The following ST8SIA6 variants were observed in gnomAD, a reference collection of about 807,000 sequenced individuals.
ST8SIA6 encodes the protein ST8 alpha-N-acetyl-neuraminide alpha-2,8-sialyltransferase 6, also known as alpha-2,8-sialyltransferase 8F.
ST8SIA6 carries 39 observed loss-of-function variants against 33.6 expected under a neutral mutation model. The ratio of observed to expected loss-of-function variants is 1.16; its 90% CI spans 0.90 to 1.52. ST8SIA6 has a LOEUF of 1.52. Among genes scored for constraint, ST8SIA6 ranks in the 40% most tolerant of loss-of-function variants. ST8SIA6 has a pLI of 0.00. For missense variants in ST8SIA6, 441 were observed against 443.8 expected, an observed-to-expected ratio of 0.99 and a Z score of 0.06; for synonymous variants, 172 against 167.2, an observed-to-expected ratio of 1.03 and a Z score of -0.22.
At chr10:17,334,650 C>T (rs919898468) in intron 4 of ST8SIA6, among the ~76,000 whole-genome samples, 5 of 151,194 alleles carry the variant, frequency 3.3e-5, no homozygotes, top group African/African-American at 9.7e-5. Context: ...CAGACAAGTC[C>T]AATGAAAAAA....
intron 4 of ST8SIA6, among the ~76,000 whole-genome samples, chr10:17,346,207 G>C (rs1254186592): frequency 6.6e-6 from 1 of 152,200 alleles, no homozygotes; most frequent in Non-Finnish European, 1.5e-5. Flanking sequence ...CTAGTAAGCA[G>C]TCAATGGTAA....
At chr10:17,343,930 A>C (rs528112170) in intron 4 of ST8SIA6, among the ~76,000 whole-genome samples, 1 of 152,192 alleles carries the variant, frequency 6.6e-6, no homozygotes, top group African/African-American at 2.4e-5. Flanking sequence ...CAAGCACTTT[A>C]TATATTATTT....
intron 2 of ST8SIA6, among the ~76,000 whole-genome samples, chr10:17,444,267 G>A (rs747218083): frequency 6.6e-6 from 1 of 152,160 alleles, no homozygotes; most frequent in Non-Finnish European, 1.5e-5. Context: ...TTTGTTGCAG[G>A]GAAACCACCT....
At chr10:17,354,332 T>C (rs1414211755) in intron 4 of ST8SIA6, among the ~76,000 whole-genome samples, 2 of 152,162 alleles carry the variant, frequency 1.3e-5, no homozygotes, top group African/African-American at 2.4e-5. Flanking sequence ...GGAGAGACTG[T>C]GAAGAGCAAT....
chr10:17,419,483 T>C (rs1851711425), intron 2 of ST8SIA6, among the ~76,000 whole-genome samples: 1 of 152,036 alleles, frequency 6.6e-6, no homozygotes, highest in African/African-American at 2.4e-5. Context: ...TGAATCATGT[T>C]TGTGCCACTG....
At chr10:17,321,719 A>G (rs1240085932) in intron 7 of ST8SIA6, among the ~76,000 whole-genome samples, 3 of 152,224 alleles carry the variant, frequency 2.0e-5, no homozygotes, top group East Asian at 3.8e-4. Flanking sequence ...CATAGTATGC[A>G]TATCAATACA....
chr10:17,336,101 G>A (rs903163336), intron 4 of ST8SIA6, among the ~76,000 whole-genome samples: 2 of 151,770 alleles, frequency 1.3e-5, no homozygotes, highest in Non-Finnish European at 2.9e-5. Flanking sequence ...GACTACAGTC[G>A]TGCACCGACA....
intron 3 of ST8SIA6, among the ~76,000 whole-genome samples, chr10:17,379,839 A>C (rs1321288725): frequency 6.6e-6 from 1 of 152,156 alleles, no homozygotes; most frequent in Non-Finnish European, 1.5e-5. Context: ...CAAAATAAAA[A>C]CTTTCTAAAT....
In ST8SIA6 at chr10:17,421,557, A is replaced by G. The variant is rs187429427; in HGVS notation, c.201-30937T>C. On this transcript the variant is annotated intron_variant, in intron 2 of 7. Transcript: ENST00000377602. ...TAAAAGGATTCATACAAATTAGAAC[A>G]AGTCTTAAACTTAATTTTTTTTTAA... Among the ~76,000 whole-genome samples, 270 of 152,232 alleles carry G rather than the reference A, an allele frequency of 1.8e-3. 2 individuals are homozygous for G. Among genetic ancestry groups the G allele is most frequent in the African/African-American group, 6.2e-3 (258 of 41,536 alleles).
At chr10:17,353,328 T>C (rs545123613) in intron 4 of ST8SIA6, among the ~76,000 whole-genome samples, 2 of 152,332 alleles carry the variant, frequency 1.3e-5, no homozygotes, top group African/African-American at 4.8e-5. Flanking sequence ...TTGATTAACT[T>C]ATCCCATCTC....
intron 4 of ST8SIA6, among the ~76,000 whole-genome samples, chr10:17,350,868 G>A (rs79901413): frequency 6.6e-6 from 1 of 152,086 alleles, no homozygotes; most frequent in Non-Finnish European, 1.5e-5. Context: ...AGTAGAGTTT[G>A]ATCTTCAAAC....
chr10:17,429,472 G>A (rs374950541), intron 2 of ST8SIA6, among the ~76,000 whole-genome samples: 2 of 151,690 alleles, frequency 1.3e-5, no homozygotes, highest in South Asian at 4.2e-4. Context: ...ACAGCTCAGC[G>A]GCTGCTTTTC....
chr10:17,326,976 A>C (rs1848150805), intron 6 of ST8SIA6, 38 bp downstream of exon 6: 2 of 1,426,458 alleles, frequency 1.4e-6, no homozygotes, highest in East Asian at 4.7e-5. Context: ...TACCCAACTG[A>C]TCTATTGTTT....
At chr10:17,414,029 C>T (rs116017722) in intron 2 of ST8SIA6, among the ~76,000 whole-genome samples, 115 of 152,216 alleles carry the variant, frequency 7.6e-4, no homozygotes, top group African/African-American at 2.3e-3. Flanking sequence ...GCCCAATACA[C>T]GCCTCCTATC....
intron 2 of ST8SIA6, among the ~76,000 whole-genome samples, chr10:17,425,323 C>T (rs1024412632): frequency 2.0e-5 from 3 of 152,118 alleles, no homozygotes; most frequent in African/African-American, 4.8e-5. Flanking sequence ...AATTCCAGCG[C>T]TCTGGGAGGC....
At chr10:17,408,481 A>G (rs1046386518) in intron 2 of ST8SIA6, among the ~76,000 whole-genome samples, 1 of 151,934 alleles carries the variant, frequency 6.6e-6, no homozygotes, top group African/African-American at 2.4e-5. Flanking sequence ...CCTGGCCAAC[A>G]TGTGAAACCC....
In ST8SIA6 at chr10:17,384,864, C is replaced by G. The variant is rs192962016; in HGVS notation, c.290+5667G>C. Reference sequence around the variant, plus strand: ...GTTCTTTTGTTTGTAGCTTTTTCCCCCTTCCTCCCCCTAATTTTCTTTTCA... The same window carrying G: ...GTTCTTTTGTTTGTAGCTTTTTCCCGCTTCCTCCCCCTAATTTTCTTTTCA... On this transcript the variant is annotated intron_variant, in intron 3 of 7. Transcript: ENST00000377602. Among the ~76,000 whole-genome samples, 489 of 152,138 alleles carry G rather than the reference C, an allele frequency of 3.2e-3. 6 individuals carry two copies. The highest frequency in any genetic ancestry group is 6.6e-3 in the East Asian group (34 of 5,172).
rs1344895365 is a variant in ST8SIA6 at position 17,374,748 on chromosome 10, A to AAAATATATATATATATATAT, written c.291-15149_291-15148insATATATATATATATATATTT. Among the ~76,000 whole-genome samples, 69 of 67,588 alleles carry AAAATATATATATATATATAT rather than the reference A, an allele frequency of 1.0e-3. 3 individuals carry two copies. Among genetic ancestry groups the AAAATATATATATATATATAT allele is most frequent in the Middle Eastern group, 7.0e-3 (1 of 142 alleles). The allele number at this position is 67,588 out of a possible 152,430, so 44.3% of individuals were successfully genotyped here. ...TAAATAAATAAATAAATAAATAAATAATAAATATATATATATATATTTAGC... is the reference window on the plus strand; with the variant it reads ...TAAATAAATAAATAAATAAATAAATAAAATATATATATATATATATATAAATATATATATATATATTTAGC... On this transcript the variant is annotated intron_variant, in intron 3 of 7. Coordinates refer to ENST00000377602, the MANE Select transcript of ST8SIA6 (RefSeq NM_001004470.3).
Position 17,454,076 on chromosome 10 carries a change from A to C in ST8SIA6, c.101+79T>G. 8.3e-6 allele frequency: 2 copies of C among 241,368 alleles called. No homozygotes were observed. Among genetic ancestry groups the C allele is most frequent in the East Asian group, 8.9e-5 (1 of 11,250 alleles). 15.0% of individuals were successfully genotyped at this position (241,368 alleles called of 1,614,324 possible). A position where few individuals can be genotyped will look rare whatever the true frequency, so the allele number is the denominator to read the frequency against. On this transcript the variant is annotated intron_variant, in intron 1 of 7. Coordinates refer to ENST00000377602, the MANE Select transcript of ST8SIA6 (RefSeq NM_001004470.3). This position sits in a 1 kb window ranked among gnomAD's most constrained non-coding sequence, Gnocchi z 4.1. ...CCAAAAGTCTCCGCGCCCGAGGGGA[A>C]GCGATGGGCGGCTTGGGGGTCCGGG...
Sources: gnomAD v4.1 joint callset for allele counts (sites outside exome capture counted in the v4.1 genomes callset) on GRCh38, gnomAD v4.1.1 for gene constraint, Gnocchi (gnomAD v3.1) non-coding constraint, MANE v1.5 for transcripts, NCBI Gene and HGNC (gene_info 2026-07-23, HGNC 2026-07-21) for gene names.